ERO1A: variants seen among roughly 807,000 people sequenced by gnomAD.
ERO1A encodes the protein ERO1-like protein alpha.
A neutral mutation model predicts 76.9 loss-of-function variants in ERO1A; 49 were observed. The ratio of observed to expected loss-of-function variants is 0.64; its 90% CI spans 0.51 to 0.81. The LOEUF (loss-of-function observed/expected upper bound fraction) is 0.81, where lower values mean the gene tolerates loss of function less well. Among genes scored for constraint, ERO1A ranks in the 30% least tolerant of loss-of-function variants. The pLI is 0.00. For missense variants in ERO1A, 448 were observed against 542.1 expected (o/e 0.83, Z 1.72); for synonymous variants, 174 against 181.2 (o/e 0.96, Z 0.32).
chr14:52,676,651 G>A (rs1486329887), intron 4 of ERO1A, among the ~76,000 whole-genome samples: 1 of 152,248 alleles, frequency 6.6e-6, no homozygotes, highest in South Asian at 2.1e-4. Context: ...AGAAGGATAC[G>A]TTCTTGTTGG....
At position 52,683,835 on chromosome 14, in the gene ERO1A, G is replaced by A. The variant is rs748075875; in HGVS notation, c.187C>T (p.Pro63Ser). The A allele has an allele frequency of 2.9e-5, 46 of 1,574,264 alleles. No individual in the cohort carries two copies. Among genetic ancestry groups the A allele is most frequent in the Non-Finnish European group, 3.9e-5 (45 of 1,151,788 alleles). The change falls in exon 2 of 16, where the codon CCA (proline) becomes TCA (serine). Residue 63 changes from proline (P) to serine (S), a missense_variant. This residue lies in a region of ERO1A where 146 missense variants were observed against 130.2 expected (regional missense o/e 1.12). Transcript: ENST00000395686. ...CTTTCAAGAAGTTTTTGTAGTCTTG[G>A]GAAAAGCCTGTAGTTATTAAATCTA... is the stretch of plus-strand genomic sequence containing the variant. The part of the protein sequence containing the change: ...IDRFNNYRLF[P>S]RLQKLLESDY...
chr14:52,693,315 C>A (rs1334378715), intron 1 of ERO1A, among the ~76,000 whole-genome samples: 2 of 152,118 alleles, frequency 1.3e-5, no homozygotes, highest in African/African-American at 2.4e-5. Flanking sequence ...GGCAGAAAAA[C>A]GTGAGAGACT....
chr14:52,658,930 A>G (rs2040140840), intron 9 of ERO1A, among the ~76,000 whole-genome samples: 1 of 152,230 alleles, frequency 6.6e-6, no homozygotes, highest in South Asian at 2.1e-4. Flanking sequence ...AACACTGTAC[A>G]GTGTTTTCTA....
chr14:52,661,859 C>T (rs1487791880), intron 8 of ERO1A, among the ~76,000 whole-genome samples: 1 of 147,958 alleles, frequency 6.8e-6, no homozygotes, highest in East Asian at 2.0e-4. Flanking sequence ...AAATTTTGCC[C>T]ACTTTTTTTA....
At chr14:52,674,583 T>C (rs1252118360) in intron 4 of ERO1A, among the ~76,000 whole-genome samples, 1 of 152,248 alleles carries the variant, frequency 6.6e-6, no homozygotes, top group East Asian at 1.9e-4. Flanking sequence ...AAAGTTCTTC[T>C]GCCACTGGAA....
rs1198727563 is a variant in ERO1A at position 52,641,103 on chromosome 14, TTAAAG to T, written c.*2462_*2466del. 6.6e-6 allele frequency: 1 copy of T among 152,102 alleles called. No homozygotes were observed. The highest frequency in any genetic ancestry group is 1.9e-4 in the East Asian group (1 of 5,198). 9.4% of individuals were successfully genotyped at this position (152,102 alleles called of 1,614,324 possible). A position where few individuals can be genotyped will look rare whatever the true frequency, so the allele number is the denominator to read the frequency against. ...TGTAAGAAGTCAAGGGAATAAATCT[TTAAAG>T]TAGGGGTTGTCAAAAATGTCAAATA... On this transcript the variant is annotated 3_prime_UTR_variant, in exon 16 of 16. Coordinates refer to ENST00000395686, the MANE Select transcript of ERO1A (RefSeq NM_014584.3).
chr14:52,640,199 C>A lies in ERO1A; in HGVS notation c.*3371G>T, dbSNP rs1053916188. 1 of 152,098 alleles carries A rather than the reference C, an allele frequency of 6.6e-6. No homozygotes were observed. Among genetic ancestry groups the A allele is most frequent in the African/African-American group, 2.4e-5 (1 of 41,410 alleles). 9.4% of individuals were successfully genotyped at this position (152,098 alleles called of 1,614,324 possible). ...TTTTGAAAAATAAAACAATACAGTA[C>A]GATTTAAGTGACATACAATAGAGGT... On this transcript the variant is annotated 3_prime_UTR_variant, in exon 16 of 16. Coordinates refer to ENST00000395686, the MANE Select transcript of ERO1A (RefSeq NM_014584.3).
intron 4 of ERO1A, chr14:52,678,200 G>A (rs1343966381): frequency 3.1e-6 from 1 of 318,828 alleles, no homozygotes; most frequent in Non-Finnish European, 5.7e-6. Context: ...GGAGGCGGAG[G>A]TTGCAGTGAG....
At chr14:52,670,591 A>G (rs1258599061) in intron 6 of ERO1A, among the ~76,000 whole-genome samples, 9 of 152,164 alleles carry the variant, frequency 5.9e-5, no homozygotes, top group South Asian at 2.1e-4. Context: ...CAGCAGCAGC[A>G]CTCTGGCTTA....
chr14:52,650,955 T>G (rs1465256990), intron 13 of ERO1A, among the ~76,000 whole-genome samples: 1 of 152,176 alleles, frequency 6.6e-6, no homozygotes, highest in African/African-American at 2.4e-5. Context: ...TATTCATAAC[T>G]GTCTTTAATT....
Position 52,642,694 on chromosome 14 carries a change from G to A in ERO1A, c.*876C>T, listed in dbSNP as rs1321418190. ...AAGATAAAGCACGTATGAACAATTA[G>A]TGAATCTGGGTAAGAGAGCTCTTTG... On this transcript the variant is annotated 3_prime_UTR_variant, in exon 16 of 16. Coordinates refer to ENST00000395686, the MANE Select transcript of ERO1A (RefSeq NM_014584.3). 1 of 152,534 alleles carries A rather than the reference G, an allele frequency of 6.6e-6. No homozygotes were observed. Among genetic ancestry groups the A allele is most frequent in the Admixed American group, 6.6e-5 (1 of 15,264 alleles). 9.4% of individuals were successfully genotyped at this position (152,534 alleles called of 1,614,324 possible).
chr14:52,689,932 T>C (rs1458659369), intron 1 of ERO1A, among the ~76,000 whole-genome samples: 3 of 152,122 alleles, frequency 2.0e-5, no homozygotes, highest in Non-Finnish European at 4.4e-5. Context: ...TAGAAACACA[T>C]ACATAGACCA....
intron 8 of ERO1A, among the ~76,000 whole-genome samples, chr14:52,662,034 A>C (rs2040250017): frequency 6.6e-6 from 1 of 152,042 alleles, no homozygotes; most frequent in African/African-American, 2.4e-5. Context: ...TTTATTATAC[A>C]TATTGTTTTG....
At chr14:52,659,496 C>G (rs2040160912) in intron 9 of ERO1A, among the ~76,000 whole-genome samples, 1 of 152,130 alleles carries the variant, frequency 6.6e-6, no homozygotes, top group South Asian at 2.1e-4. Flanking sequence ...AACTCTGCTA[C>G]TTACAAATCA....
chr14:52,686,471 C>G (rs1374577493), intron 1 of ERO1A, among the ~76,000 whole-genome samples: 2 of 152,170 alleles, frequency 1.3e-5, no homozygotes, highest in Non-Finnish European at 2.9e-5. Flanking sequence ...AAAGGAAGCT[C>G]TAAGAAGCCC....
At position 52,642,372 on chromosome 14, in the gene ERO1A, A is replaced by G. The variant is rs1306396623; in HGVS notation, c.*1198T>C. 3 of 152,182 alleles carry G rather than the reference A, an allele frequency of 2.0e-5. No individual in the cohort carries two copies. Among genetic ancestry groups the G allele is most frequent in the Admixed American group, 6.6e-5 (1 of 15,264 alleles). 9.4% of individuals were successfully genotyped at this position (152,182 alleles called of 1,614,324 possible). A position where few individuals can be genotyped will look rare whatever the true frequency, so the allele number is the denominator to read the frequency against. On this transcript the variant is annotated 3_prime_UTR_variant, in exon 16 of 16. Coordinates refer to ENST00000395686, the MANE Select transcript of ERO1A (RefSeq NM_014584.3). ...AACACAGCAAAACCTTGTCTCTAAAAAAAATTTTAATAAAATAAATAGCCT... is the reference window on the plus strand; with the variant it reads ...AACACAGCAAAACCTTGTCTCTAAAGAAAATTTTAATAAAATAAATAGCCT...
At chr14:52,659,809 G>C (rs1040064750) in intron 9 of ERO1A, among the ~76,000 whole-genome samples, 9 of 149,904 alleles carry the variant, frequency 6.0e-5, no homozygotes, top group African/African-American at 2.2e-4. Context: ...TTGTGTGTGT[G>C]TGTGTGTGTC....
At chr14:52,679,500 C>T (rs556538596) in intron 3 of ERO1A, among the ~76,000 whole-genome samples, 1 of 151,890 alleles carries the variant, frequency 6.6e-6, no homozygotes, top group South Asian at 2.1e-4. Flanking sequence ...GCAACCTCCG[C>T]CTCCTGGGTT....
chr14:52,675,339 C>T (rs1353259507), intron 4 of ERO1A, among the ~76,000 whole-genome samples: 3 of 151,016 alleles, frequency 2.0e-5, no homozygotes, highest in Non-Finnish European at 2.9e-5. Context: ...GCCAAGATCG[C>T]GCCATTGCAC....
Sources: gnomAD v4.1 joint callset for allele counts (sites outside exome capture counted in the v4.1 genomes callset) on GRCh38, gnomAD v4.1.1 for gene constraint, gnomAD v4.1.1 regional missense constraint, MANE v1.5 for transcripts, NCBI Gene and HGNC (gene_info 2026-07-23, HGNC 2026-07-21) for gene names.